The following NBPF8 variants were observed in gnomAD, a reference collection of about 807,000 sequenced individuals.
The protein encoded by NBPF8 is NBPF family member NBPF8.
At chr1:120,461,002 T>G (rs1286289824) in intron 18 of NBPF8, among the ~76,000 whole-genome samples, 72,400 of 148,960 alleles carry the variant, frequency 0.49, 19,206 homozygotes, top group African/African-American at 0.69. Flanking sequence ...CCTGACCAAT[T>G]CACTGAGCTC....
chr1:120,429,425 C>T (rs1419208028), intron 3 of NBPF8, among the ~76,000 whole-genome samples: 3 of 152,212 alleles, frequency 2.0e-5, no homozygotes, highest in South Asian at 2.1e-4. Context: ...CTCTCCTCTG[C>T]AGGCTGGAGG....
At chr1:120,449,608 G>T (rs1553248496) in intron 11 of NBPF8, among the ~76,000 whole-genome samples, 2 of 152,004 alleles carry the variant, frequency 1.3e-5, no homozygotes, top group Non-Finnish European at 2.9e-5. Context: ...ATCAGGTGGG[G>T]GTGGGACTAG....
chr1:120,453,683 T>C (rs2101681817), intron 14 of NBPF8, among the ~76,000 whole-genome samples: 1 of 151,308 alleles, frequency 6.6e-6, no homozygotes, highest in South Asian at 2.1e-4. Flanking sequence ...AGCTCCTATC[T>C]GTCCAGTGCA....
exon 25 of NBPF8, chr1:120,466,113 T>A: frequency 6.2e-7 from 1 of 1,611,126 alleles, no homozygotes; most frequent in Non-Finnish European, 8.5e-7. Context: ...TTTACTCATT[T>A]GAGGAACAGC....
chr1:120,468,540 G>A (rs1553251036), downstream of NBPF8, among the ~76,000 whole-genome samples: 774 of 150,370 alleles, frequency 5.1e-3, 36 homozygotes, highest in East Asian at 0.11. Flanking sequence ...TGTGGGATTC[G>A]ATTTTGTTCT....
At chr1:120,452,687 T>A (rs1398567558) in intron 13 of NBPF8, among the ~76,000 whole-genome samples, 36 of 152,380 alleles carry the variant, frequency 2.4e-4, no homozygotes, top group Admixed American at 1.2e-3. Context: ...GGCAATGTTC[T>A]TAGTAACTGT....
At chr1:120,435,745 A>T (rs1661055174), upstream of NBPF8, among the ~76,000 whole-genome samples, 1 of 151,702 alleles carries the variant, frequency 6.6e-6, no homozygotes, top group South Asian at 2.1e-4. Flanking sequence ...GGGCGCCTGT[A>T]TTCCCAGCTA....
Position 120,465,914 on chromosome 1 carries a change from C to A in NBPF8, n.3569-64C>A, listed in dbSNP as rs1300008406. 5.0e-6 allele frequency: 8 copies of A among 1,611,528 alleles called. No individual in the cohort carries two copies. The African/African-American group carries it at 9.4e-5, about 19-fold the overall frequency. ...CACTTCCTTATGTTACTTCTGAAAT[C>A]TAGTGGGGCTCTGTGGTGTCTGATT... On this transcript the variant is annotated intron_variant and non_coding_transcript_variant, in intron 24 of 24. Transcript: ENST00000583271.
chr1:120,466,019 T>G, exon 25 of NBPF8: 1 of 1,611,980 alleles, frequency 6.2e-7, no homozygotes, highest in Non-Finnish European at 8.5e-7. Flanking sequence ...CCTGAAGTCT[T>G]ACAGGACTCA....
At chr1:120,469,615 G>A (rs1354660933), downstream of NBPF8, among the ~76,000 whole-genome samples, 10 of 151,950 alleles carry the variant, frequency 6.6e-5, no homozygotes, top group Admixed American at 5.9e-4. Context: ...TTATAAAGTC[G>A]AATTTATCAA....
intron 15 of NBPF8, among the ~76,000 whole-genome samples, chr1:120,454,378 C>A (rs1553249430): frequency 6.6e-6 from 1 of 151,946 alleles, no homozygotes; most frequent in Non-Finnish European, 1.5e-5. Flanking sequence ...ATCTGTCAGG[C>A]CTCCTAGCTT....
chr1:120,466,158 C>G, exon 25 of NBPF8: 1 of 1,606,052 alleles, frequency 6.2e-7, no homozygotes, highest in Non-Finnish European at 8.5e-7. Context: ...ACAATAGGTT[C>G]TTTACTTTGA....
intron 3 of NBPF8, among the ~76,000 whole-genome samples, chr1:120,428,699 G>A (rs1660788843): frequency 6.6e-6 from 1 of 151,682 alleles, no homozygotes; most frequent in African/African-American, 2.4e-5. Context: ...GGTTCTCTGT[G>A]AGCATCTCTT....
intron 18 of NBPF8, among the ~76,000 whole-genome samples, chr1:120,461,051 TG>T (rs1661574367): frequency 1.3e-5 from 2 of 150,580 alleles, no homozygotes; most frequent in African/African-American, 2.4e-5. Flanking sequence ...TGTGTGTGTG[TG>T]TGTGTGTGTG....
rs2101676316 is a variant in NBPF8 at position 120,451,203 on chromosome 1, A to ATGAG, written n.1996_1997insGAGT. Reference sequence around the variant, plus strand: ...AGAATATGAAGAGTGCAAAGATCTCATAAAATCTATGCTGAGGAATGAGCG... The same window carrying ATGAG: ...AGAATATGAAGAGTGCAAAGATCTCATGAGTAAAATCTATGCTGAGGAATGAGCG... On this transcript the variant is annotated non_coding_transcript_exon_variant, in exon 12 of 25. Coordinates refer to ENST00000583271, the Ensembl canonical transcript of NBPF8. The ATGAG allele has an allele frequency of 3.8e-6, 6 of 1,584,276 alleles. No homozygotes were observed. In the East Asian group the frequency reaches 1.4e-4, roughly 36 times the overall value.
downstream of NBPF8, among the ~76,000 whole-genome samples, chr1:120,468,991 G>A (rs1553251130): frequency 2.0e-4 from 30 of 148,030 alleles, no homozygotes; most frequent in African/African-American, 5.1e-4. Flanking sequence ...TGACCCCTAC[G>A]GCTCTGAAGT....
At chr1:120,420,372 C>T (rs1319402693) in intron 1 of NBPF8, among the ~76,000 whole-genome samples, 2 of 142,180 alleles carry the variant, frequency 1.4e-5, no homozygotes. Flanking sequence ...CAGGACTTTT[C>T]CTTAGTAGCT....
chr1:120,415,557 C>T (rs1159303938), upstream of NBPF8, among the ~76,000 whole-genome samples: 1 of 152,242 alleles, frequency 6.6e-6, no homozygotes. Flanking sequence ...CGAGCAGCTT[C>T]GGGGGCACGT....
chr1:120,425,137 G>C (rs1171328777), intron 1 of NBPF8, among the ~76,000 whole-genome samples: 1 of 152,074 alleles, frequency 6.6e-6, no homozygotes, highest in East Asian at 1.9e-4. Flanking sequence ...CGTGGGAAGG[G>C]AAAGACCTGA....
Sources: gnomAD v4.1 joint callset for allele counts (sites outside exome capture counted in the v4.1 genomes callset) on GRCh38, gnomAD v4.1.1 for gene constraint, MANE v1.5 for transcripts, NCBI Gene and HGNC (gene_info 2026-07-23, HGNC 2026-07-21) for gene names.